CGNL1: variants seen among roughly 807,000 people sequenced by gnomAD.
CGNL1 encodes cingulin-like protein 1.
Under a neutral mutation model 141.2 loss-of-function variants are expected in CGNL1, and 132 were observed. That is an observed-to-expected ratio of 0.93 (90% confidence interval 0.81 to 1.08). The LOEUF (loss-of-function observed/expected upper bound fraction) is 1.08. CGNL1 is among the 50% of genes least tolerant of loss of function. The pLI, the probability that CGNL1 is intolerant of heterozygous loss-of-function variation, is 0.00. For missense variants in CGNL1, 1,870 were observed against 1,588.6 expected, an observed-to-expected ratio of 1.18 and a Z score of -3.01; for synonymous variants, 690 against 622.1, an observed-to-expected ratio of 1.11 and a Z score of -1.63.
At chr15:57,436,463 G>A (rs534917820) in intron 1 of CGNL1, among the ~76,000 whole-genome samples, 82 of 152,294 alleles carry the variant, frequency 5.4e-4, no homozygotes, top group African/African-American at 2.0e-3. Flanking sequence ...AAGATAGAAG[G>A]GGTGCTCCTT....
intron 12 of CGNL1, chr15:57,527,451 G>A (rs1026725506): frequency 1.1e-4 from 16 of 152,240 alleles, no homozygotes; most frequent in African/African-American, 3.4e-4. Flanking sequence ...TTCTATTCAT[G>A]AGACTAGCTC....
rs563866379 is a variant in CGNL1 at position 57,427,609 on chromosome 15, G to A, written c.-15-10376G>A. Among the ~76,000 whole-genome samples, 5 of 152,340 alleles carry A rather than the reference G, an allele frequency of 3.3e-5. No individual in the cohort carries two copies. In the South Asian group the frequency reaches 1.0e-3, roughly 32 times the overall value. On this transcript the variant is annotated intron_variant, in intron 1 of 18. Transcript: ENST00000281282. ...AAAGATGGCTAATTTTCCCTGATTG[G>A]ATCTGTTGTTTTGAGTGACCGAGAA...
intron 1 of CGNL1, among the ~76,000 whole-genome samples, chr15:57,412,389 G>T (rs541113436): frequency 1.3e-5 from 2 of 152,198 alleles, no homozygotes; most frequent in Admixed American, 6.5e-5. Flanking sequence ...CTTAAATGCT[G>T]TTCCTTACTC....
At position 57,431,530 on chromosome 15, in the gene CGNL1, A is replaced by G. The variant is rs1217250027; in HGVS notation, c.-15-6455A>G. On this transcript the variant is annotated intron_variant, in intron 1 of 18. Coordinates refer to ENST00000281282, the MANE Select transcript of CGNL1 (RefSeq NM_032866.5). ...CTGATCTTTCAATTTCATCTGGTTG[A>G]GGTTCTAGTGTGAATATCCCCATAC... Among the ~76,000 whole-genome samples, 2 of 152,174 alleles carry G rather than the reference A, an allele frequency of 1.3e-5. 1 individual carries two copies. The highest frequency in any genetic ancestry group is 4.1e-4 in the South Asian group (2 of 4,826).
intron 1 of CGNL1, among the ~76,000 whole-genome samples, chr15:57,407,818 G>A (rs902770137): frequency 5.4e-5 from 8 of 148,494 alleles, no homozygotes; most frequent in African/African-American, 2.0e-4. Context: ...GCATGATCTC[G>A]GCTCACTGCA....
intron 8 of CGNL1, among the ~76,000 whole-genome samples, chr15:57,493,462 A>C (rs963887983): frequency 1.3e-5 from 2 of 152,236 alleles, no homozygotes; most frequent in Non-Finnish European, 2.9e-5. Context: ...GACCCAAAGC[A>C]GGCAGAGACA....
intron 1 of CGNL1, among the ~76,000 whole-genome samples, chr15:57,435,407 G>GTTTTTTTT (rs1249529527): frequency 1.0e-5 from 1 of 96,864 alleles, no homozygotes. Flanking sequence ...AAATTTGCAG[G>GTTTTTTTT]TTTTTTTGTT....
Position 57,439,431 on chromosome 15 carries a change from G to C in CGNL1, c.1432G>C (p.Glu478Gln). Residue 478 changes from glutamate (E) to glutamine (Q), a missense_variant, in exon 2 of 19, where the codon GAA becomes CAA. Coordinates refer to ENST00000281282, the MANE Select transcript of CGNL1 (RefSeq NM_032866.5). ...GKVLETEGSQ[E>Q]STVIRAPSLG... ...AGTTCTGGAAACCGAAGGTAGTCAG[G>C]AAAGTACAGTGATCCGTGCGCCCTC... The C allele has an allele frequency of 6.2e-7, 1 of 1,614,206 alleles. No homozygotes were observed. The highest frequency in any genetic ancestry group is 1.1e-5 in the South Asian group (1 of 91,090).
chr15:57,454,136 T>G (rs1047847523), intron 7 of CGNL1, among the ~76,000 whole-genome samples: 1 of 152,170 alleles, frequency 6.6e-6, no homozygotes, highest in South Asian at 2.1e-4. Flanking sequence ...ATAAGTATAA[T>G]TGAGGGTCAG....
rs10593466 is a variant in CGNL1, at chr15:57,529,559, A to AACACACACACAC, written c.3201+783_3201+794dup. Among the ~76,000 whole-genome samples the AACACACACACAC allele has an allele frequency of 9.9e-3, 1,359 of 137,952 alleles. 18 individuals carry two copies. Among genetic ancestry groups the AACACACACACAC allele is most frequent in the African/African-American group, 0.022 (752 of 34,960 alleles). The allele number at this position is 137,952 out of a possible 152,430, so 90.5% of individuals were successfully genotyped here. A position where few individuals can be genotyped will look rare whatever the true frequency, so the allele number is the denominator to read the frequency against. On this transcript the variant is annotated intron_variant, in intron 13 of 18. Coordinates refer to ENST00000281282, the MANE Select transcript of CGNL1 (RefSeq NM_032866.5). ...CTTAGGAGCAAAACTAACCCCCAGA[A>AACACACACACAC]ACACACACACACACACACACACACA...
chr15:57,529,042 A>T, intron 13 of CGNL1: 1 of 442,412 alleles, frequency 2.3e-6, no homozygotes, highest in South Asian at 3.6e-5. Context: ...TTAGTCTAAC[A>T]TTCTCATTGT....
chr15:57,424,664 A>C (rs1353006976), intron 1 of CGNL1, among the ~76,000 whole-genome samples: 1 of 152,194 alleles, frequency 6.6e-6, no homozygotes, highest in African/African-American at 2.4e-5. Flanking sequence ...GGAAAGAACC[A>C]AGATGGACAG....
intron 7 of CGNL1, among the ~76,000 whole-genome samples, chr15:57,456,063 T>G (rs1046530658): frequency 6.6e-6 from 1 of 152,234 alleles, no homozygotes; most frequent in Non-Finnish European, 1.5e-5. Context: ...TTTATCAGTT[T>G]CCTTTGACTT....
chr15:57,451,296 T>G (rs1032981707), intron 4 of CGNL1, among the ~76,000 whole-genome samples: 2 of 152,202 alleles, frequency 1.3e-5, no homozygotes, highest in African/African-American at 4.8e-5. Flanking sequence ...TAAAGTTCAC[T>G]GGAGTCCCAA....
chr15:57,450,563 G>A (rs146790799), intron 4 of CGNL1, among the ~76,000 whole-genome samples: 7 of 152,170 alleles, frequency 4.6e-5, no homozygotes, highest in East Asian at 1.9e-4. Context: ...TGCATGAGCC[G>A]CCCCACCCAG....
intron 8 of CGNL1, among the ~76,000 whole-genome samples, chr15:57,498,852 A>G (rs2063981148): frequency 6.6e-6 from 1 of 152,046 alleles, no homozygotes; most frequent in Admixed American, 6.6e-5. Flanking sequence ...TTTAAAAGCC[A>G]GTAGAAGGAT....
At chr15:57,436,903 T>C (rs932943792) in intron 1 of CGNL1, among the ~76,000 whole-genome samples, 64 of 152,134 alleles carry the variant, frequency 4.2e-4, no homozygotes, top group African/African-American at 1.5e-3. Context: ...AATTTGAAAA[T>C]TGGATGGAAT....
At chr15:57,544,839 C>A (rs1179819289) in intron 16 of CGNL1, among the ~76,000 whole-genome samples, 1 of 152,134 alleles carries the variant, frequency 6.6e-6, no homozygotes, top group African/African-American at 2.4e-5. Flanking sequence ...AGTTTAGGAC[C>A]CCCACTTCTC....
chr15:57,436,624 TAAAC>T (rs2063108967), intron 1 of CGNL1, among the ~76,000 whole-genome samples: 1 of 151,526 alleles, frequency 6.6e-6, no homozygotes, highest in East Asian at 1.9e-4. Flanking sequence ...AGAATGAAAA[TAAAC>T]AAGTAAAGCG....
Sources: gnomAD v4.1 joint callset for allele counts (sites outside exome capture counted in the v4.1 genomes callset) on GRCh38, gnomAD v4.1.1 for gene constraint, MANE v1.5 for transcripts, NCBI Gene and HGNC (gene_info 2026-07-23, HGNC 2026-07-21) for gene names.